HDAC9: variants seen among roughly 807,000 people sequenced by gnomAD.
HDAC9 encodes MEF-2 interacting transcription repressor (MITR) protein.
HDAC9 carries 41 observed loss-of-function variants against 139.4 expected under a neutral mutation model. That is an observed-to-expected ratio of 0.29 (90% confidence interval 0.23 to 0.38). The LOEUF (loss-of-function observed/expected upper bound fraction) is 0.38, where lower values mean the gene tolerates loss of function less well. HDAC9 is among the 10% of genes least tolerant of loss of function. The pLI, the probability that HDAC9 is intolerant of heterozygous loss-of-function variation, is 1.00. For synonymous variants in HDAC9, 517 were observed against 476.2 expected, an observed-to-expected ratio of 1.09 and a Z score of -1.12; for missense variants, 1,147 against 1,297.0, an observed-to-expected ratio of 0.88 and a Z score of 1.78.
At chr7:18,549,519 C>G (rs908965886) in intron 2 of HDAC9, among the ~76,000 whole-genome samples, 1 of 151,866 alleles carries the variant, frequency 6.6e-6, no homozygotes, top group East Asian at 1.9e-4. Flanking sequence ...GGATGGACCT[C>G]TAGGGCATTA....
intron 1 of HDAC9, among the ~76,000 whole-genome samples, chr7:18,461,304 A>G (rs907723053): frequency 1.3e-5 from 2 of 152,214 alleles, no homozygotes; most frequent in African/African-American, 2.4e-5. Flanking sequence ...CTGTTATGTA[A>G]TGCTTAAGTA....
intron 7 of HDAC9, among the ~76,000 whole-genome samples, chr7:18,629,825 G>A (rs1345354063): frequency 2.0e-5 from 3 of 152,098 alleles, no homozygotes; most frequent in Admixed American, 2.0e-4. Flanking sequence ...TGAGCAGAGG[G>A]AGGTCCAAGA....
intron 22 of HDAC9, among the ~76,000 whole-genome samples, chr7:18,913,730 A>T (rs1218615904): frequency 7.3e-6 from 1 of 137,190 alleles, no homozygotes; most frequent in Admixed American, 7.8e-5. Flanking sequence ...ATAAGAATTT[A>T]AAAAGATAAT....
intron 21 of HDAC9, among the ~76,000 whole-genome samples, chr7:18,863,041 CTG>C (rs1798231503): frequency 1.3e-5 from 2 of 152,146 alleles, no homozygotes; most frequent in East Asian, 1.9e-4. Flanking sequence ...GCTTTTGTGT[CTG>C]GAGAGATTTG....
At chr7:18,320,436 C>A (rs1025624327) in intron 1 of HDAC9, among the ~76,000 whole-genome samples, 2 of 152,196 alleles carry the variant, frequency 1.3e-5, no homozygotes, top group Non-Finnish European at 2.9e-5. Flanking sequence ...TACCGGCTCT[C>A]CTGTCCAACC....
At chr7:18,316,298 G>C (rs1041650802) in intron 1 of HDAC9, among the ~76,000 whole-genome samples, 2 of 152,154 alleles carry the variant, frequency 1.3e-5, no homozygotes, top group African/African-American at 4.8e-5. Context: ...AGCTGTTAAA[G>C]TTTGTATTAA....
At chr7:18,502,065 C>T (rs1762311536) in intron 2 of HDAC9, among the ~76,000 whole-genome samples, 1 of 152,082 alleles carries the variant, frequency 6.6e-6, no homozygotes, top group African/African-American at 2.4e-5. Context: ...ATTGGATCCT[C>T]CAATGGTCAC....
chr7:18,740,870 G>T (rs1188323542), intron 13 of HDAC9, among the ~76,000 whole-genome samples: 1 of 152,206 alleles, frequency 6.6e-6, no homozygotes, highest in Non-Finnish European at 1.5e-5. Flanking sequence ...CAGCCTTATT[G>T]CTCATATGGA....
chr7:18,946,656 A>G (rs147404537), intron 23 of HDAC9, among the ~76,000 whole-genome samples: 65 of 152,292 alleles, frequency 4.3e-4, no homozygotes, highest in African/African-American at 1.3e-3. Flanking sequence ...GCATGAAAAC[A>G]TATTAAGTAT....
intron 2 of HDAC9, among the ~76,000 whole-genome samples, chr7:18,518,408 C>T (rs1203288140): frequency 1.3e-5 from 2 of 152,108 alleles, no homozygotes; most frequent in Non-Finnish European, 2.9e-5. Context: ...ACTGTCAATT[C>T]CATGTCTTAA....
intron 22 of HDAC9, among the ~76,000 whole-genome samples, chr7:18,925,860 A>G (rs867487178): frequency 1.3e-5 from 2 of 151,724 alleles, no homozygotes; most frequent in South Asian, 2.1e-4. Flanking sequence ...TAGATATTCT[A>G]TAGCAGATAT....
chr7:18,247,086 G>C (rs576458276), intron 2 of HDAC9, among the ~76,000 whole-genome samples: 2 of 152,036 alleles, frequency 1.3e-5, no homozygotes, highest in South Asian at 4.2e-4. Context: ...AGGGAATGCT[G>C]TTTTGGGCAG....
intron 11 of HDAC9, among the ~76,000 whole-genome samples, chr7:18,651,847 T>C (rs1789382071): frequency 6.6e-6 from 1 of 152,110 alleles, no homozygotes; most frequent in South Asian, 2.1e-4. Flanking sequence ...AGCAGAAATA[T>C]CCCTGGAATG....
At chr7:18,946,173 A>G (rs1013796440) in intron 23 of HDAC9, among the ~76,000 whole-genome samples, 1 of 150,030 alleles carries the variant, frequency 6.7e-6, no homozygotes, top group African/African-American at 2.4e-5. Context: ...ATGTGATATT[A>G]TCAGACTGTC....
chr7:18,706,296 G>A (rs987051792), intron 12 of HDAC9, among the ~76,000 whole-genome samples: 2 of 149,312 alleles, frequency 1.3e-5, no homozygotes, highest in Admixed American at 1.4e-4. Context: ...TTTCTTTCCA[G>A]CAAAATTGTA....
intron 1 of HDAC9, among the ~76,000 whole-genome samples, chr7:18,459,160 C>T (rs911137341): frequency 6.6e-6 from 1 of 152,212 alleles, no homozygotes; most frequent in East Asian, 1.9e-4. Context: ...GGTCTTTTTA[C>T]CCCTCTCTAC....
At chr7:18,549,332 C>T (rs980503043) in intron 2 of HDAC9, among the ~76,000 whole-genome samples, 2 of 152,166 alleles carry the variant, frequency 1.3e-5, no homozygotes, top group Non-Finnish European at 2.9e-5. Flanking sequence ...TATGTTCGCA[C>T]AGAATATTGT....
chr7:18,369,663 G>T (rs1585419578), intron 1 of HDAC9, among the ~76,000 whole-genome samples: 1 of 152,098 alleles, frequency 6.6e-6, no homozygotes, highest in South Asian at 2.1e-4. Context: ...AGTACAGGAG[G>T]CCGATTAGGT....
chr7:18,517,573 T>G (rs1172478808), intron 2 of HDAC9: 4 of 152,224 alleles, frequency 2.6e-5, no homozygotes, highest in African/African-American at 9.6e-5. Flanking sequence ...TGTAATCTAT[T>G]ACACATCATA....
Sources: allele counts gnomAD v4.1 joint callset (sites outside exome capture counted in the v4.1 genomes callset), GRCh38; gene constraint gnomAD v4.1.1; transcripts MANE v1.5; gene names NCBI Gene and HGNC (gene_info 2026-07-23, HGNC 2026-07-21).